The following RPS6KA2 variants were observed in gnomAD, a reference collection of about 807,000 sequenced individuals.
RPS6KA2 encodes ribosomal protein S6 kinase alpha-2.
In RPS6KA2, 42 loss-of-function variants were observed where a neutral mutation model predicts 91.8. The ratio of observed to expected loss-of-function variants is 0.46; its 90% CI spans 0.36 to 0.59. RPS6KA2 has a LOEUF of 0.59. Ranked by LOEUF, RPS6KA2 falls within the 20% of genes least tolerant of loss-of-function variation. The pLI, the probability that RPS6KA2 is intolerant of heterozygous loss-of-function variation, is 0.00. For missense variants in RPS6KA2, 798 were observed against 978.5 expected (o/e 0.82, Z 2.46); for synonymous variants, 414 against 393.6 (o/e 1.05, Z -0.61).
At chr6:166,774,669 C>G (rs1778566357) in intron 2 of RPS6KA2, among the ~76,000 whole-genome samples, 1 of 152,170 alleles carries the variant, frequency 6.6e-6, no homozygotes, top group Non-Finnish European at 1.5e-5. Flanking sequence ...TTGAGGAAGA[C>G]AGTCCCTTAC....
intron 2 of RPS6KA2, among the ~76,000 whole-genome samples, chr6:166,670,556 A>G (rs969378505): frequency 6.6e-6 from 1 of 152,206 alleles, no homozygotes; most frequent in African/African-American, 2.4e-5. Context: ...TGACTGCCAC[A>G]CTTTGAAGTG....
intron 2 of RPS6KA2, among the ~76,000 whole-genome samples, chr6:166,718,288 T>G (rs1355909474): frequency 6.6e-6 from 1 of 152,202 alleles, no homozygotes; most frequent in African/African-American, 2.4e-5. Flanking sequence ...GACTGGCAGA[T>G]AGCAGTTATC....
intron 2 of RPS6KA2, among the ~76,000 whole-genome samples, chr6:166,832,503 T>C (rs2128626961): frequency 6.6e-6 from 1 of 152,310 alleles, no homozygotes; most frequent in South Asian, 2.1e-4. Context: ...CAATACACTT[T>C]TAAGTATAAT....
chr6:166,640,707 T>C (rs1787403089), intron 2 of RPS6KA2, among the ~76,000 whole-genome samples: 1 of 151,794 alleles, frequency 6.6e-6, no homozygotes, highest in Admixed American at 6.6e-5. Context: ...AAAATGAGGA[T>C]AAGGAGATAT....
In RPS6KA2 at chr6:166,641,719, C is replaced by CA. The variant is rs71032871; in HGVS notation, c.124-102936dup. 9.8e-3 allele frequency among the ~76,000 whole-genome samples: 279 copies of CA among 28,544 alleles called. 65 individuals are homozygous for CA. The highest frequency in any genetic ancestry group is 0.016 in the Non-Finnish European group (213 of 12,970). 18.7% of individuals were successfully genotyped at this position (28,544 alleles called of 152,430 possible). ...TGGGTAAAAGAGTGAGACTCTGTCA[C>CA]AAAAAAAAAAAAAAAAAAAAAAAAA... is the stretch of plus-strand genomic sequence containing the variant. On this transcript the variant is annotated intron_variant, in intron 2 of 21. Coordinates refer to the RPS6KA2 transcript ENST00000503859.
At chr6:166,693,702 G>A (rs1403235304) in intron 2 of RPS6KA2, among the ~76,000 whole-genome samples, 1 of 152,180 alleles carries the variant, frequency 6.6e-6, no homozygotes, top group African/African-American at 2.4e-5. Flanking sequence ...TGAATACAGT[G>A]TGCCACCAAT....
intron 1 of RPS6KA2, among the ~76,000 whole-genome samples, chr6:166,591,761 G>A (rs1460599859): frequency 6.6e-6 from 1 of 152,202 alleles, no homozygotes; most frequent in East Asian, 1.9e-4. Context: ...CCTGTTCGAG[G>A]TAGTTTCTTA....
At chr6:166,766,565 T>G (rs1257684759) in intron 2 of RPS6KA2, among the ~76,000 whole-genome samples, 1 of 152,244 alleles carries the variant, frequency 6.6e-6, no homozygotes, top group Non-Finnish European at 1.5e-5. Flanking sequence ...CTGAATATGA[T>G]AAAACTTTGA....
intron 8 of RPS6KA2, among the ~76,000 whole-genome samples, chr6:166,491,422 C>A (rs1781583799): frequency 6.6e-6 from 1 of 152,166 alleles, no homozygotes; most frequent in African/African-American, 2.4e-5. Context: ...ATTACACACA[C>A]TCTGGAAGCA....
chr6:166,499,185 G>A (rs1396993621), intron 7 of RPS6KA2, among the ~76,000 whole-genome samples: 1 of 152,194 alleles, frequency 6.6e-6, no homozygotes, highest in Non-Finnish European at 1.5e-5. Flanking sequence ...GGAAGAACAG[G>A]GATCTCCAGG....
upstream of RPS6KA2, among the ~76,000 whole-genome samples, chr6:166,630,589 C>G (rs1787046109): frequency 6.6e-6 from 1 of 152,196 alleles, no homozygotes; most frequent in African/African-American, 2.4e-5. Flanking sequence ...TCGTGCTTTT[C>G]CGGAGTATCA....
intron 19 of RPS6KA2, among the ~76,000 whole-genome samples, chr6:166,414,935 T>C (rs201426308): frequency 6.6e-6 from 1 of 152,098 alleles, no homozygotes; most frequent in East Asian, 1.9e-4. Context: ...TGTGGTGGCA[T>C]GCGCCTATAA....
rs1780708173 is a variant in RPS6KA2, at chr6:166,850,336, AAAAACCTATATATGTATATAAATC to A, written c.123+7840_123+7863del. Among the ~76,000 whole-genome samples the A allele has an allele frequency of 2.0e-5, 3 of 152,308 alleles. No homozygotes were observed. In the South Asian group the frequency reaches 6.2e-4, roughly 32 times the overall value. ...GGGAGAAAATCCACTCAATTAAAAA[AAAAACCTATATATGTATATAAATC>A]TTACCAAAATTATTTAAATTGTCCA... On this transcript the variant is annotated intron_variant, in intron 2 of 21. Transcript: ENST00000503859.
At chr6:166,483,173 G>C (rs558704686) in intron 10 of RPS6KA2, among the ~76,000 whole-genome samples, 3 of 152,330 alleles carry the variant, frequency 2.0e-5, no homozygotes, top group Admixed American at 2.0e-4. Flanking sequence ...TATGTGTGTG[G>C]GGAGAGGACA....
At chr6:166,791,514 C>G (rs1183245698) in intron 2 of RPS6KA2, among the ~76,000 whole-genome samples, 1 of 152,198 alleles carries the variant, frequency 6.6e-6, no homozygotes, top group Non-Finnish European at 1.5e-5. Context: ...ACCAAGCGGA[C>G]CTAATAGACA....
chr6:166,735,458 C>T (rs1328279281), intron 2 of RPS6KA2, among the ~76,000 whole-genome samples: 1 of 152,148 alleles, frequency 6.6e-6, no homozygotes, highest in Non-Finnish European at 1.5e-5. Context: ...AAGCACATGA[C>T]ATTTATTGTG....
At chr6:166,850,881 G>C (rs915325402) in intron 2 of RPS6KA2, among the ~76,000 whole-genome samples, 85 of 152,216 alleles carry the variant, frequency 5.6e-4, no homozygotes, top group African/African-American at 2.0e-3. Flanking sequence ...CTGAACAGAA[G>C]GAAGGGACTG....
chr6:166,808,012 C>T (rs544863555), intron 2 of RPS6KA2, among the ~76,000 whole-genome samples: 207 of 151,656 alleles, frequency 1.4e-3, no homozygotes, highest in Non-Finnish European at 2.4e-3. Context: ...TGATGCACCT[C>T]GGGATGCATG....
chr6:166,629,073 C>T (rs758858873), upstream of RPS6KA2, among the ~76,000 whole-genome samples: 1 of 152,214 alleles, frequency 6.6e-6, no homozygotes, highest in Non-Finnish European at 1.5e-5. Flanking sequence ...TGCTGGGACC[C>T]TCAGGCATCC....
Sources: allele counts gnomAD v4.1 joint callset (sites outside exome capture counted in the v4.1 genomes callset), GRCh38; gene constraint gnomAD v4.1.1; transcripts MANE v1.5; gene names NCBI Gene and HGNC (gene_info 2026-07-23, HGNC 2026-07-21).